DLG2: variants seen among roughly 807,000 people sequenced by gnomAD.
The protein encoded by DLG2 is disks large homolog 2.
In DLG2, 45 loss-of-function variants were observed where a neutral mutation model predicts 132.5. The observed-to-expected ratio is 0.34, with a 90% CI of 0.27 to 0.44. DLG2 has a LOEUF of 0.44. Ranked by LOEUF, DLG2 falls within the 20% of genes least tolerant of loss-of-function variation. The pLI is 1.00. For synonymous variants in DLG2, 424 were observed against 419.6 expected (o/e 1.01, Z -0.13); for missense variants, 1,045 against 1,196.9 (o/e 0.87, Z 1.87).
At position 84,465,588 on chromosome 11, in the gene DLG2, G is replaced by A. The variant is rs1434431164; in HGVS notation, c.519+68982C>T. On this transcript the variant is annotated intron_variant, in intron 7 of 27. Transcript: ENST00000376104. The stretch of plus-strand genomic sequence containing the variant: ...ATAATATTTATGCATGTGAAATCTC[G>A]CTTCTATAAAGGGTTATTCAAGAAT... 2.0e-5 allele frequency among the ~76,000 whole-genome samples: 3 copies of A among 151,168 alleles called. No homozygotes were observed. In the South Asian group the frequency reaches 6.2e-4, roughly 31 times the overall value.
intron 6 of DLG2, among the ~76,000 whole-genome samples, chr11:85,063,360 T>C (rs550912012): frequency 3.3e-5 from 5 of 151,992 alleles, no homozygotes; most frequent in African/African-American, 1.2e-4. Context: ...TCTCTCATAG[T>C]CCACTGCATA....
In DLG2 at chr11:85,454,843, G is replaced by T. The variant is rs1319932564; in HGVS notation, c.40+143814C>A. Among the ~76,000 whole-genome samples, 5 of 152,030 alleles carry T rather than the reference G, an allele frequency of 3.3e-5. No homozygotes were observed. The East Asian group carries it at 7.7e-4, about 23-fold the overall frequency. On this transcript the variant is annotated intron_variant, in intron 3 of 27. Coordinates refer to ENST00000376104, the MANE Select transcript of DLG2 (RefSeq NM_001142699.3). Reference sequence around the variant, plus strand: ...TTTGTGGAAGATCAGATAGTTTTAGGTGTGCAGTTTTACTTCTGGGCCTCG... The same window carrying T: ...TTTGTGGAAGATCAGATAGTTTTAGTTGTGCAGTTTTACTTCTGGGCCTCG...
At chr11:85,157,140 G>A (rs1157412074) in intron 4 of DLG2, among the ~76,000 whole-genome samples, 1 of 152,134 alleles carries the variant, frequency 6.6e-6, no homozygotes, top group Non-Finnish European at 1.5e-5. Flanking sequence ...TCCCATGCTG[G>A]ATGCTTCCTG....
chr11:83,832,078 T>A (rs1200285891), intron 17 of DLG2, among the ~76,000 whole-genome samples: 1 of 152,140 alleles, frequency 6.6e-6, no homozygotes, highest in Non-Finnish European at 1.5e-5. Flanking sequence ...AAGCTGGAAG[T>A]TTATCTTCAT....
At chr11:84,967,973 T>A (rs1255008412) in intron 6 of DLG2, among the ~76,000 whole-genome samples, 1 of 152,052 alleles carries the variant, frequency 6.6e-6, no homozygotes, top group Non-Finnish European at 1.5e-5. Flanking sequence ...AGCCAATAAA[T>A]GGAAACCATA....
intron 6 of DLG2, among the ~76,000 whole-genome samples, chr11:84,792,313 A>G (rs1598255362): frequency 1.3e-5 from 2 of 152,204 alleles, no homozygotes; most frequent in African/African-American, 2.4e-5. Context: ...TATTCTTAAC[A>G]TATTGCTTAA....
intron 19 of DLG2, among the ~76,000 whole-genome samples, chr11:83,609,355 T>C (rs754474733): frequency 6.6e-6 from 1 of 152,210 alleles, no homozygotes; most frequent in Non-Finnish European, 1.5e-5. Flanking sequence ...GTCATATTCT[T>C]GGTCCAACAG....
chr11:84,438,860 G>A (rs1293568709), intron 7 of DLG2, among the ~76,000 whole-genome samples: 1 of 152,168 alleles, frequency 6.6e-6, no homozygotes, highest in African/African-American at 2.4e-5. Context: ...AGTGCCCTAT[G>A]AGCAATGAAG....
intron 7 of DLG2, among the ~76,000 whole-genome samples, chr11:84,348,561 A>T (rs2098549013): frequency 6.6e-6 from 1 of 152,202 alleles, no homozygotes; most frequent in Non-Finnish European, 1.5e-5. Flanking sequence ...GTAAGCTATG[A>T]CAGGGGATTC....
chr11:84,716,460 T>C (rs1374120891), intron 6 of DLG2, among the ~76,000 whole-genome samples: 1 of 152,078 alleles, frequency 6.6e-6, no homozygotes, highest in Non-Finnish European at 1.5e-5. Context: ...ACCTTTGCAA[T>C]GCAGCTATAG....
intron 19 of DLG2, among the ~76,000 whole-genome samples, chr11:83,555,724 A>C (rs565546576): frequency 6.6e-6 from 1 of 152,374 alleles, no homozygotes; most frequent in African/African-American, 2.4e-5. Context: ...ACTGCAGAGC[A>C]TACCTCAGGT....
intron 6 of DLG2, among the ~76,000 whole-genome samples, chr11:84,736,019 G>C (rs957641873): frequency 2.0e-5 from 3 of 151,804 alleles, no homozygotes; most frequent in East Asian, 1.9e-4. Context: ...ATTTCTTCTA[G>C]AGGTTTTGTA....
chr11:83,690,746 T>C lies in DLG2; in HGVS notation c.1826-57421A>G, dbSNP rs61121053. On this transcript the variant is annotated intron_variant, in intron 18 of 27. Transcript: ENST00000376104. ...AAATCTGTCCCACTGTCCATTTTTA[T>C]ATAGTCTATAAGCCAAGAATGTTTT... is the stretch of plus-strand genomic sequence containing the variant. Among the ~76,000 whole-genome samples, 959 of 152,220 alleles carry C rather than the reference T, an allele frequency of 6.3e-3. 7 individuals carry two copies. Among genetic ancestry groups the C allele is most frequent in the African/African-American group, 0.022 (909 of 41,546 alleles).
At chr11:84,953,049 G>A (rs1243179418) in intron 6 of DLG2, among the ~76,000 whole-genome samples, 7 of 152,058 alleles carry the variant, frequency 4.6e-5, no homozygotes, top group Admixed American at 2.0e-4. Flanking sequence ...CCCTAGCTTA[G>A]ATCTTCATTT....
At chr11:83,886,852 G>A (rs2068048225) in intron 15 of DLG2, among the ~76,000 whole-genome samples, 1 of 149,992 alleles carries the variant, frequency 6.7e-6, no homozygotes, top group Admixed American at 6.6e-5. Context: ...ATGACTACTG[G>A]GTACATAACG....
chr11:85,408,122 A>C (rs1306053915), intron 3 of DLG2, among the ~76,000 whole-genome samples: 3 of 150,720 alleles, frequency 2.0e-5, no homozygotes, highest in Non-Finnish European at 4.4e-5. Context: ...TTTATCTTAA[A>C]AATTCTGTAA....
intron 15 of DLG2, among the ~76,000 whole-genome samples, chr11:83,896,419 T>C (rs1000196957): frequency 2.0e-5 from 3 of 152,188 alleles, no homozygotes; most frequent in African/African-American, 7.2e-5. Flanking sequence ...AATTACAGAA[T>C]CTTAATCTGC....
At chr11:85,261,489 C>T (rs1474037753) in intron 4 of DLG2, among the ~76,000 whole-genome samples, 3 of 152,040 alleles carry the variant, frequency 2.0e-5, no homozygotes, top group Non-Finnish European at 2.9e-5. Flanking sequence ...AGAATTGACC[C>T]TACCTATGGT....
At chr11:84,959,595 T>C (rs1413168112) in intron 6 of DLG2, among the ~76,000 whole-genome samples, 2 of 152,218 alleles carry the variant, frequency 1.3e-5, no homozygotes, top group African/African-American at 4.8e-5. Flanking sequence ...TACTACCATG[T>C]TAGTTTCTTA....
Sources: allele counts gnomAD v4.1 joint callset (sites outside exome capture counted in the v4.1 genomes callset), GRCh38; gene constraint gnomAD v4.1.1; transcripts MANE v1.5; gene names NCBI Gene and HGNC (gene_info 2026-07-23, HGNC 2026-07-21).